Variants in HDAC2 observed in about 807,000 individuals in gnomAD.
HDAC2 encodes the protein histone deacetylase 2.
Under a neutral mutation model 68.5 loss-of-function variants are expected in HDAC2, and 5 were observed. The observed-to-expected ratio is 0.07, with a 90% CI of 0.04 to 0.15. The LOEUF is 0.15. HDAC2 is among the 10% of genes least tolerant of loss of function. The pLI, the probability that HDAC2 is intolerant of heterozygous loss-of-function variation, is 1.00. For synonymous variants in HDAC2, 182 were observed against 191.3 expected (o/e 0.95, Z 0.40); for missense variants, 291 against 600.8 (o/e 0.48, Z 5.39).
Position 113,943,435 on chromosome 6 carries a change from G to C in HDAC2, c.1294C>G (p.Arg432Gly), listed in dbSNP as rs1318879105. 6.2e-7 allele frequency: 1 copy of C among 1,608,918 alleles called. No homozygotes were observed. The highest frequency in any genetic ancestry group is 8.5e-7 in the Non-Finnish European group (1 of 1,178,370). The part of the protein sequence containing the change: ...SDSEDEGEGG[R>G]RNVADHKKGA... Reference sequence around the variant, plus strand: ...TTCTTATGATCAGCCACATTTCTTCGACCTCCTTCTCCTTCATCCTCAGAA... The same window carrying C: ...TTCTTATGATCAGCCACATTTCTTCCACCTCCTTCTCCTTCATCCTCAGAA... Residue 432 changes from arginine (R) to glycine (G), a missense_variant, in exon 12 of 14, where the codon CGA becomes GGA. Coordinates refer to ENST00000519065, the MANE Select transcript of HDAC2 (RefSeq NM_001527.4).
At chr6:113,956,594 T>G (rs781383275) in intron 4 of HDAC2, 25 bp downstream of exon 4, 20 of 1,550,596 alleles carry the variant, frequency 1.3e-5, no homozygotes, top group Non-Finnish European at 1.8e-5. Context: ...GATCAACTTT[T>G]AAATCTGATT....
intron 13 of HDAC2, 50 bp downstream of exon 13, chr6:113,941,658 T>G: frequency 1.4e-6 from 1 of 699,756 alleles, no homozygotes; most frequent in Non-Finnish European, 2.4e-6. Context: ...ATAAACATGT[T>G]TAGTATTTTT....
In HDAC2 at chr6:113,959,961, C is replaced by T. The variant is rs865852020; in HGVS notation, c.110G>A (p.Arg37His). 1.3e-6 allele frequency: 2 copies of T among 1,594,476 alleles called. No individual in the cohort carries two copies. Among genetic ancestry groups the T allele is most frequent in the Admixed American group, 1.7e-5 (1 of 59,852 alleles). The change falls in exon 2 of 14, where the codon CGC becomes CAC. Residue 37 changes from arginine (R) to histidine (H), a missense_variant. Arg to His is a conservative substitution (Grantham distance 29). Around this residue, in one of 2 missense-constraint regions of HDAC2, gnomAD observed 154 missense variants for 472.1 expected, o/e 0.33. Transcript: ENST00000519065. ...ATTTAACAGCAAGTTATGGGTCATG[C>T]GGATTCTATGAGGCTTCATGGGATG... ...QGHPMKPHRI[R>H]MTHNLLLNYG...
intron 1 of HDAC2, chr6:113,969,987 G>GGA (rs1562152362): frequency 6.6e-6 from 1 of 152,208 alleles, no homozygotes; most frequent in Non-Finnish European, 1.5e-5. Flanking sequence ...AGGCAAGCCA[G>GGA]GACCCATGGA....
chr6:113,943,955 A>C (rs912736676), intron 11 of HDAC2, among the ~76,000 whole-genome samples: 1 of 152,208 alleles, frequency 6.6e-6, no homozygotes, highest in African/African-American at 2.4e-5. Flanking sequence ...GTGTAATGAG[A>C]AGTTGTAAAA....
chr6:113,955,383 T>C (rs1203717564), intron 5 of HDAC2, among the ~76,000 whole-genome samples: 2 of 152,136 alleles, frequency 1.3e-5, no homozygotes, highest in South Asian at 2.1e-4. Flanking sequence ...CCGGCTAATT[T>C]TTCTATTTTT....
chr6:113,962,543 T>C (rs1776709128), intron 1 of HDAC2: 1 of 154,050 alleles, frequency 6.5e-6, no homozygotes, highest in African/African-American at 2.4e-5. Flanking sequence ...CGTATACGAA[T>C]ACGCATAGCT....
At chr6:113,970,600 G>C in intron 1 of HDAC2, 1 of 1,297,728 alleles carries the variant, frequency 7.7e-7, no homozygotes, top group African/African-American at 1.6e-5. Flanking sequence ...TCGAGGCTGC[G>C]GACTGCACGG....
Position 113,943,426 on chromosome 6 carries a change from C to G in HDAC2, c.1303G>C (p.Val435Leu). Residue 435 changes from valine (V) to leucine (L), a missense_variant, in exon 12 of 14, where the codon GTG (valine) becomes CTG (leucine). Val to Leu is a conservative substitution (Grantham distance 32). This residue lies in a region of HDAC2 where 137 missense variants were observed against 128.7 expected (regional missense o/e 1.06). Coordinates refer to ENST00000519065, the MANE Select transcript of HDAC2 (RefSeq NM_001527.4). ...TTTGCTCCTTTCTTATGATCAGCCA[C>G]ATTTCTTCGACCTCCTTCTCCTTCA... Reference protein sequence around the residue: ...EDEGEGGRRNVADHKKGAKKA... With the variant: ...EDEGEGGRRNLADHKKGAKKA... 6.2e-7 allele frequency: 1 copy of G among 1,611,270 alleles called. No homozygotes were observed. The highest frequency in any genetic ancestry group is 2.2e-5 in the East Asian group (1 of 44,800).
chr6:113,966,699 GGA>G (rs1339159815), intron 1 of HDAC2, among the ~76,000 whole-genome samples: 2 of 152,056 alleles, frequency 1.3e-5, no homozygotes, highest in African/African-American at 2.4e-5. Flanking sequence ...GTTATAGTGA[GGA>G]GAGAGACAAA....
At position 113,933,634 on chromosome 6, in the gene HDAC2, A is replaced by G. The variant is rs1161343387; in HGVS notation, c.*7424T>C. ...TTATTTATGTGTTAGGCACTGTTCTAGACACTGGAGATTAATCCCCAGTGG... is the reference window on the plus strand; with the variant it reads ...TTATTTATGTGTTAGGCACTGTTCTGGACACTGGAGATTAATCCCCAGTGG... On this transcript the variant is annotated 3_prime_UTR_variant, in exon 14 of 14. Transcript: ENST00000519065. 2 of 152,036 alleles carry G rather than the reference A, an allele frequency of 1.3e-5. No individual in the cohort carries two copies. Among genetic ancestry groups the G allele is most frequent in the Non-Finnish European group, 2.9e-5 (2 of 68,014 alleles). The allele number at this position is 152,036 out of a possible 1,614,324, so 9.4% of individuals were successfully genotyped here.
chr6:113,968,181 T>A (rs933596986), intron 1 of HDAC2: 2 of 152,232 alleles, frequency 1.3e-5, no homozygotes, highest in African/African-American at 4.8e-5. Context: ...GTTATAGAAT[T>A]TGCTACTTCC....
chr6:113,942,403 A>G (rs1776156739), intron 12 of HDAC2, among the ~76,000 whole-genome samples: 1 of 149,500 alleles, frequency 6.7e-6, no homozygotes, highest in African/African-American at 2.5e-5. Flanking sequence ...TAAATGTGTC[A>G]GATGTTATAG....
chr6:113,936,276 A>C lies in HDAC2; in HGVS notation c.*4782T>G, dbSNP rs904577981. ...ATAAGAGAAAACACACAGAAAAAAA[A>C]ATTTTAAATGCAGTATCTGCCATCT... is the stretch of plus-strand genomic sequence containing the variant. On this transcript the variant is annotated 3_prime_UTR_variant, in exon 14 of 14. Coordinates refer to ENST00000519065, the MANE Select transcript of HDAC2 (RefSeq NM_001527.4). 3 of 152,204 alleles carry C rather than the reference A, an allele frequency of 2.0e-5. No individual in the cohort carries two copies. Among genetic ancestry groups the C allele is most frequent in the African/African-American group, 7.2e-5 (3 of 41,434 alleles). 9.4% of individuals were successfully genotyped at this position (152,204 alleles called of 1,614,324 possible).
chr6:113,949,154 A>G lies in HDAC2; in HGVS notation c.732+14T>C, dbSNP rs753265885. The stretch of plus-strand genomic sequence containing the variant: ...CTGAAATTCCATTCCAATTGTGAAA[A>G]CAATAATACTTACAGGCTTAAATAT... On this transcript the variant is annotated intron_variant, in intron 7 of 13. Transcript: ENST00000519065. 1 of 1,605,710 alleles carries G rather than the reference A, an allele frequency of 6.2e-7. No homozygotes were observed. The highest frequency in any genetic ancestry group is 1.1e-5 in the South Asian group (1 of 90,822).
In HDAC2 at chr6:113,953,323, G is replaced by A. The variant is rs1484361941; in HGVS notation, c.593C>T (p.Ser198Leu). ...FYTTDRVMTV[S>L]FHKYGEYFPG... ...AAAGTATTCCCCATATTTATGGAAT[G>A]ATACCGTCATTACACGATCTGTTGT... Residue 198 changes from serine to leucine, a missense_variant, in exon 6 of 14, where the codon TCA becomes TTA. By Grantham distance (145) the Ser-to-Leu change is moderately radical. Transcript: ENST00000519065. 6.2e-7 allele frequency: 1 copy of A among 1,608,350 alleles called. No individual in the cohort carries two copies. Among genetic ancestry groups the A allele is most frequent in the African/African-American group, 1.3e-5 (1 of 74,900 alleles).
At chr6:113,954,771 A>G (rs1292437339) in intron 5 of HDAC2, among the ~76,000 whole-genome samples, 1 of 152,252 alleles carries the variant, frequency 6.6e-6, no homozygotes, top group Non-Finnish European at 1.5e-5. Context: ...CATGCATGGA[A>G]TAACTACAAG....
At chr6:113,960,601 G>A (rs1188758802) in intron 1 of HDAC2, among the ~76,000 whole-genome samples, 1 of 151,942 alleles carries the variant, frequency 6.6e-6, no homozygotes. Context: ...CATTCTTCAT[G>A]ACTAAAAAGT....
At chr6:113,955,987 A>G (rs754535639) in intron 5 of HDAC2, 26 bp downstream of exon 5, 3 of 1,532,196 alleles carry the variant, frequency 2.0e-6, no homozygotes, top group African/African-American at 1.4e-5. Context: ...TATCACTGAA[A>G]AGAGTATCAA....
Sources: gnomAD v4.1 joint callset for allele counts (sites outside exome capture counted in the v4.1 genomes callset) on GRCh38, gnomAD v4.1.1 for gene constraint, gnomAD v4.1.1 regional missense constraint, MANE v1.5 for transcripts, NCBI Gene and HGNC (gene_info 2026-07-23, HGNC 2026-07-21) for gene names.